Variants in DPP6 observed in about 807,000 individuals in gnomAD.
DPP6 encodes A-type potassium channel modulatory protein DPP6.
DPP6 carries 69 observed loss-of-function variants against 122.6 expected under a neutral mutation model. That is an observed-to-expected ratio of 0.56 (90% CI 0.46 to 0.69). The LOEUF (loss-of-function observed/expected upper bound fraction) is 0.69. Among genes scored for constraint, DPP6 ranks in the 30% least tolerant of loss-of-function variants. The pLI, the probability that DPP6 is intolerant of heterozygous loss-of-function variation, is 0.00. For missense variants in DPP6, 928 were observed against 1,116.9 expected (o/e 0.83, Z 2.41); for synonymous variants, 418 against 433.1 (o/e 0.97, Z 0.43).
At chr7:153,751,801 CCA>C in the DPP6 span, among the ~76,000 whole-genome samples, 1 of 150,608 alleles carries the variant, frequency 6.6e-6, no homozygotes, top group Non-Finnish European at 1.5e-5. Context: ...TTAACTCCAG[CCA>C]AAGTAGGGCC....
intron 5 of DPP6, among the ~76,000 whole-genome samples, chr7:154,575,760 A>G (rs1424970242): frequency 5.5e-4 from 60 of 109,624 alleles, no homozygotes; most frequent in Non-Finnish European, 7.6e-4. Context: ...GTGTGTATGT[A>G]TGTGTGGTGT....
At chr7:153,969,219 C>T (rs1795899144) in intron 1 of DPP6, among the ~76,000 whole-genome samples, 1 of 150,618 alleles carries the variant, frequency 6.6e-6, no homozygotes, top group Admixed American at 6.6e-5. Flanking sequence ...AAATCTCTCC[C>T]AGGTGGTGAG....
chr7:154,837,973 G>A (rs1289533509), intron 16 of DPP6, among the ~76,000 whole-genome samples: 2 of 151,976 alleles, frequency 1.3e-5, no homozygotes, highest in African/African-American at 2.4e-5. Context: ...TCCCCCAAGC[G>A]ATCTTACATT....
intron 2 of DPP6, among the ~76,000 whole-genome samples, chr7:154,458,255 A>G (rs1820972994): frequency 6.6e-6 from 1 of 152,098 alleles, no homozygotes; most frequent in Non-Finnish European, 1.5e-5. Flanking sequence ...TGCTATTCTC[A>G]TGATAGTGAA....
At chr7:154,838,472 T>C (rs1439713747) in intron 16 of DPP6, 1 of 152,212 alleles carries the variant, frequency 6.6e-6, no homozygotes, top group Non-Finnish European at 1.5e-5. Flanking sequence ...AAGAAAAGTC[T>C]GCTTGCAGGA....
intron 3 of DPP6, among the ~76,000 whole-genome samples, chr7:154,487,057 C>T (rs1219435049): frequency 6.6e-6 from 1 of 152,178 alleles, no homozygotes; most frequent in Non-Finnish European, 1.5e-5. Flanking sequence ...TTGTTGACTC[C>T]AGTTTAGACC....
At chr7:154,340,140 CTTAG>C (rs1254265686) in intron 1 of DPP6, among the ~76,000 whole-genome samples, 1 of 152,084 alleles carries the variant, frequency 6.6e-6, no homozygotes, top group Non-Finnish European at 1.5e-5. Flanking sequence ...TTGGAGCCAT[CTTAG>C]TTGGTTAAGA....
At chr7:154,738,623 A>G (rs1842679720) in intron 8 of DPP6, among the ~76,000 whole-genome samples, 5 of 152,236 alleles carry the variant, frequency 3.3e-5, no homozygotes, top group Admixed American at 2.0e-4. Context: ...AAGAAGGAAC[A>G]ATATTCTGCT....
At chr7:154,312,358 G>A (rs1378557101) in intron 1 of DPP6, among the ~76,000 whole-genome samples, 1 of 152,198 alleles carries the variant, frequency 6.6e-6, no homozygotes. Flanking sequence ...CCTGAATGCA[G>A]CCCTCCACCA....
chr7:154,322,199 G>A (rs1355862307), intron 1 of DPP6, among the ~76,000 whole-genome samples: 1 of 152,112 alleles, frequency 6.6e-6, no homozygotes, highest in Non-Finnish European at 1.5e-5. Flanking sequence ...CTGGCCTGGG[G>A]ACGAAGCAGT....
At chr7:154,856,593 A>G (rs1802850461) in intron 17 of DPP6, among the ~76,000 whole-genome samples, 1 of 152,266 alleles carries the variant, frequency 6.6e-6, no homozygotes, top group Admixed American at 6.5e-5. Flanking sequence ...TCAAAGATCC[A>G]GGAAATTTTG....
At chr7:154,840,005 C>T (rs1801391013) in intron 16 of DPP6, among the ~76,000 whole-genome samples, 1 of 152,116 alleles carries the variant, frequency 6.6e-6, no homozygotes. Flanking sequence ...GTGAGAGGAA[C>T]TAATGAGGAA....
At chr7:154,838,554 A>G (rs1403802128) in intron 16 of DPP6, 1 of 152,254 alleles carries the variant, frequency 6.6e-6, no homozygotes, top group Admixed American at 6.5e-5. Context: ...GTAAGTAGGT[A>G]TTTGCAGGGG....
chr7:153,989,575 C>A (rs1336606714), intron 1 of DPP6, among the ~76,000 whole-genome samples: 1 of 151,952 alleles, frequency 6.6e-6, no homozygotes, highest in Non-Finnish European at 1.5e-5. Context: ...GTGCGGGAAG[C>A]AGGACCCCAG....
chr7:154,354,218 A>G (rs1350201614), intron 1 of DPP6, among the ~76,000 whole-genome samples: 1 of 152,236 alleles, frequency 6.6e-6, no homozygotes, highest in Non-Finnish European at 1.5e-5. Flanking sequence ...TGGTGTTTCT[A>G]GTCGTCTCAA....
chr7:154,272,620 A>T (rs1385603911), intron 1 of DPP6, among the ~76,000 whole-genome samples: 3 of 152,194 alleles, frequency 2.0e-5, no homozygotes, highest in Non-Finnish European at 2.9e-5. Context: ...CCATTATGAG[A>T]GGGCAGTGTA....
chr7:153,856,851 C>T, the DPP6 span, among the ~76,000 whole-genome samples: 7 of 152,192 alleles, frequency 4.6e-5, no homozygotes, highest in Non-Finnish European at 8.8e-5. Flanking sequence ...GGATTATTGG[C>T]TCCTTAAGAA....
At chr7:154,500,395 G>A (rs1230482570) in intron 3 of DPP6, among the ~76,000 whole-genome samples, 3 of 152,194 alleles carry the variant, frequency 2.0e-5, no homozygotes, top group Non-Finnish European at 4.4e-5. Flanking sequence ...AATAGTGAGA[G>A]ATAAAGCTTA....
At chr7:153,800,289 T>G in the DPP6 span, among the ~76,000 whole-genome samples, 4 of 152,132 alleles carry the variant, frequency 2.6e-5, no homozygotes, top group Non-Finnish European at 5.9e-5. Flanking sequence ...CATGGAACTA[T>G]AGGTTGTCAT....
Sources: gnomAD v4.1 joint callset for allele counts (sites outside exome capture counted in the v4.1 genomes callset) on GRCh38, gnomAD v4.1.1 for gene constraint, MANE v1.5 for transcripts, NCBI Gene and HGNC (gene_info 2026-07-23, HGNC 2026-07-21) for gene names.